Variants in CFAP47 observed in about 807,000 individuals in gnomAD.
The protein encoded by CFAP47 is cilia and flagella associated protein 47.
Under a neutral mutation model 148.1 loss-of-function variants are expected in CFAP47, and 29 were observed. The observed-to-expected ratio is 0.20, with a 90% CI of 0.15 to 0.27. The LOEUF is 0.27. Ranked by LOEUF, CFAP47 falls within the 10% of genes least tolerant of loss-of-function variation. The pLI, the probability that CFAP47 is intolerant of heterozygous loss-of-function variation, is 1.00. For missense variants in CFAP47, 1,872 were observed against 1,697.5 expected (o/e 1.10, Z -1.81); for synonymous variants, 664 against 577.3 (o/e 1.15, Z -2.15).
intron 21 of CFAP47, among the ~76,000 whole-genome samples, chrX:36,002,144 G>A (rs1383946139): frequency 9.0e-6 from 1 of 110,874 alleles, no homozygotes. Flanking sequence ...GATGTTTAGT[G>A]ATTTAAAAAC....
intron 49 of CFAP47, among the ~76,000 whole-genome samples, chrX:36,262,735 G>A (rs782012288): frequency 2.2e-4 from 25 of 112,080 alleles, no homozygotes; most frequent in African/African-American, 7.5e-4. Context: ...TATACTCAGC[G>A]ATGGGATTAC....
At chrX:36,170,350 A>G (rs995275992) in intron 39 of CFAP47, among the ~76,000 whole-genome samples, 3 of 110,825 alleles carry the variant, frequency 2.7e-5, no homozygotes, top group Admixed American at 1.9e-4. Flanking sequence ...CACAATGTGC[A>G]GGTTAGTTAC....
At chrX:36,307,989 A>G (rs1556009169) in intron 55 of CFAP47, among the ~76,000 whole-genome samples, 1 of 111,622 alleles carries the variant, frequency 9.0e-6, no homozygotes, top group African/African-American at 3.2e-5. Flanking sequence ...AAGTAATTTT[A>G]ACAAAGCTGT....
intron 33 of CFAP47, among the ~76,000 whole-genome samples, chrX:36,115,673 T>A (rs1352545267): frequency 9.0e-6 from 1 of 111,618 alleles, no homozygotes; most frequent in African/African-American, 3.3e-5. Context: ...GATACAGTTA[T>A]GGACAAAATT....
intron 3 of CFAP47, among the ~76,000 whole-genome samples, chrX:35,944,478 A>G (rs2038034730): frequency 8.9e-6 from 1 of 111,964 alleles, no homozygotes; most frequent in Non-Finnish European, 1.9e-5. Flanking sequence ...CCATATGAGC[A>G]TTCTGAAGAA....
At chrX:36,129,160 T>C (rs1265426109) in intron 33 of CFAP47, among the ~76,000 whole-genome samples, 3 of 111,039 alleles carry the variant, frequency 2.7e-5, no homozygotes, top group Non-Finnish European at 5.7e-5. Flanking sequence ...TTTCTGTTTT[T>C]CCTTGAATGA....
At chrX:36,344,102 G>T (rs1556016211) in intron 57 of CFAP47, among the ~76,000 whole-genome samples, 1 of 107,373 alleles carries the variant, frequency 9.3e-6, no homozygotes, top group Non-Finnish European at 1.9e-5. Flanking sequence ...AGTGGGGAGG[G>T]ATAGCATTGG....
chrX:36,167,391 A>T, intron 39 of CFAP47, among the ~76,000 whole-genome samples: 1 of 111,325 alleles, frequency 9.0e-6, no homozygotes, highest in Non-Finnish European at 1.9e-5. Context: ...CCATTTTAGG[A>T]GCTGAGTGCT....
chrX:36,195,689 T>C (rs1233989632), intron 42 of CFAP47, among the ~76,000 whole-genome samples: 2 of 111,430 alleles, frequency 1.8e-5, no homozygotes, highest in Non-Finnish European at 3.8e-5. Flanking sequence ...CCCTCTGTAA[T>C]TCTAGCAAGG....
At chrX:36,371,654 A>G (rs781881151) in intron 62 of CFAP47, among the ~76,000 whole-genome samples, 7 of 80,304 alleles carry the variant, frequency 8.7e-5, no homozygotes, top group Non-Finnish European at 1.4e-4. Flanking sequence ...ATGTGTATAT[A>G]TGTGTGTATA....
At chrX:36,160,850 CTT>C (rs147566241) in intron 39 of CFAP47, 81 bp downstream of exon 39, 5,053 of 152,942 alleles carry the variant, frequency 0.033, no homozygotes, top group East Asian at 0.064. Context: ...TTCTTTCTTT[CTT>C]TTTTTTTTTT....
At chrX:36,170,529 G>A (rs1056083320) in intron 39 of CFAP47, among the ~76,000 whole-genome samples, 10 of 109,620 alleles carry the variant, frequency 9.1e-5, no homozygotes, top group Non-Finnish European at 1.9e-4. Context: ...TCCCACATAT[G>A]AGCGAGAATA....
chrX:36,192,499 C>T (rs1939877592), intron 42 of CFAP47, among the ~76,000 whole-genome samples: 1 of 111,692 alleles, frequency 9.0e-6, no homozygotes, highest in Non-Finnish European at 1.9e-5. Context: ...TGTGAACACC[C>T]ACTCTGTGTG....
At chrX:36,300,618 G>C (rs1556007650) in intron 52 of CFAP47, among the ~76,000 whole-genome samples, 3 of 111,881 alleles carry the variant, frequency 2.7e-5, no homozygotes, top group Non-Finnish European at 5.6e-5. Context: ...ACTGTCACAA[G>C]CTCTGCTTCC....
chrX:36,276,439 G>T (rs1941018576), intron 49 of CFAP47, among the ~76,000 whole-genome samples: 1 of 111,347 alleles, frequency 9.0e-6, no homozygotes, highest in South Asian at 3.7e-4. Context: ...TTTTTGGAGG[G>T]GAGTATAAGT....
intron 29 of CFAP47, among the ~76,000 whole-genome samples, chrX:36,084,073 A>T (rs1488645293): frequency 1.8e-5 from 2 of 110,808 alleles, no homozygotes; most frequent in Non-Finnish European, 3.8e-5. Context: ...TGTTAGACTC[A>T]TCCATTGATT....
chrX:36,276,314 T>G (rs1202822461), intron 49 of CFAP47, among the ~76,000 whole-genome samples: 1 of 111,700 alleles, frequency 9.0e-6, no homozygotes, highest in Non-Finnish European at 1.9e-5. Flanking sequence ...AATACCCGTT[T>G]TCTCTCTCAC....
intron 8 of CFAP47, among the ~76,000 whole-genome samples, chrX:35,963,131 A>G (rs1446945157): frequency 9.0e-6 from 1 of 110,978 alleles, no homozygotes; most frequent in Non-Finnish European, 1.9e-5. Flanking sequence ...AGTTGAACTC[A>G]TAGAAGCAGA....
intron 26 of CFAP47, among the ~76,000 whole-genome samples, chrX:36,056,247 C>A (rs1937553821): frequency 9.0e-6 from 1 of 111,520 alleles, no homozygotes; most frequent in Non-Finnish European, 1.9e-5. Context: ...TAATTAGTAT[C>A]CTAACAATAT....
Sources: gnomAD v4.1 joint callset for allele counts (sites outside exome capture counted in the v4.1 genomes callset) on GRCh38, gnomAD v4.1.1 for gene constraint, MANE v1.5 for transcripts, NCBI Gene and HGNC (gene_info 2026-07-23, HGNC 2026-07-21) for gene names.